Variants in MRC2 observed in about 807,000 individuals in gnomAD.
MRC2 encodes C-type mannose receptor 2.
Under a neutral mutation model 206.2 loss-of-function variants are expected in MRC2, and 84 were observed. The ratio of observed to expected loss-of-function variants is 0.41; its 90% confidence interval spans 0.34 to 0.49. The LOEUF (loss-of-function observed/expected upper bound fraction) is 0.49. Among genes scored for constraint, MRC2 ranks in the 20% least tolerant of loss-of-function variants. The pLI is 0.31. For synonymous variants in MRC2, 798 were observed against 800.0 expected (o/e 1.00, Z 0.04); for missense variants, 1,676 against 2,001.5 (o/e 0.84, Z 3.10).
intron 20 of MRC2, chr17:62,683,920 G>T (rs2089002202): frequency 6.6e-6 from 1 of 152,000 alleles, no homozygotes; most frequent in Non-Finnish European, 1.5e-5. Flanking sequence ...CACTTTGGCA[G>T]CACATGTACA....
intron 9 of MRC2, 75 bp downstream of exon 9, chr17:62,674,245 A>T: frequency 1.8e-6 from 2 of 1,100,408 alleles, no homozygotes; most frequent in Admixed American, 2.6e-5. Context: ...GAGGTGGATG[A>T]ACTCCTGCTG....
chr17:62,692,342 G>GC lies in MRC2; in HGVS notation c.4332dup (p.Gly1445ArgfsTer4). ...TACCGGAGGCGCCAGAGCATCGAGC[G>GC]CGGGGCCTTTGAGGGTGCCCGCTAC... On this transcript the variant is annotated frameshift_variant, in exon 30 of 30. Coordinates refer to ENST00000303375, the MANE Select transcript of MRC2 (RefSeq NM_006039.5). LOFTEE classifies it high-confidence loss of function. This position sits in a 1 kb window ranked among gnomAD's most constrained non-coding sequence, Gnocchi z 4.2. The GC allele has an allele frequency of 1.3e-6, 2 of 1,576,048 alleles. No individual in the cohort carries two copies. Among genetic ancestry groups the GC allele is most frequent in the Non-Finnish European group, 8.6e-7 (1 of 1,160,952 alleles).
chr17:62,678,572 G>A lies in MRC2; in HGVS notation c.2121G>A (p.Leu707=). 1 of 1,609,178 alleles carries A rather than the reference G, an allele frequency of 6.2e-7. No homozygotes were observed. Among genetic ancestry groups the A allele is most frequent in the South Asian group, 1.1e-5 (1 of 90,546 alleles). The change falls in exon 13 of 30, where the codon CTG becomes CTA. Residue 707 remains leucine (L), a synonymous_variant. Transcript: ENST00000303375. The part of the protein sequence containing the change: ...WVQAQGACQE[L]GAQLLSLASY... Reference sequence around the variant, plus strand: ...AGGCCCAGGGGGCCTGCCAGGAGCTGGGGGCCCAGCTGCTGAGCCTGGCCA... The same window carrying A: ...AGGCCCAGGGGGCCTGCCAGGAGCTAGGGGCCCAGCTGCTGAGCCTGGCCA...
intron 18 of MRC2, 33 bp downstream of exon 18, chr17:62,681,162 G>A: frequency 6.2e-7 from 1 of 1,608,280 alleles, no homozygotes; most frequent in Non-Finnish European, 8.5e-7. Context: ...GATGTGGAAG[G>A]GGGCTGGCTG....
At chr17:62,648,407 G>C (rs1286454290) in intron 1 of MRC2, among the ~76,000 whole-genome samples, 1 of 152,230 alleles carries the variant, frequency 6.6e-6, no homozygotes, top group African/African-American at 2.4e-5. Context: ...GTGTCTGCCA[G>C]GCCAAGGGGT....
At chr17:62,676,607 C>T (rs2088895963) in intron 11 of MRC2, 76 bp downstream of exon 11, 1 of 1,503,636 alleles carries the variant, frequency 6.7e-7, no homozygotes, top group Non-Finnish European at 8.9e-7. Flanking sequence ...AGCACCGAGC[C>T]CCAGGGCTTC....
At chr17:62,662,795 C>T (rs2088697002) in intron 1 of MRC2, among the ~76,000 whole-genome samples, 1 of 151,914 alleles carries the variant, frequency 6.6e-6, no homozygotes. Flanking sequence ...GCCTGTAATC[C>T]CAGCTACTCA....
chr17:62,691,040 C>T lies in MRC2; in HGVS notation c.4104C>T (p.Ser1368=). 6.2e-7 allele frequency: 1 copy of T among 1,610,244 alleles called. No individual in the cohort carries two copies. Residue 1368 remains serine, a synonymous_variant, in exon 28 of 30, where the codon AGC becomes AGT. Coordinates refer to ENST00000303375, the MANE Select transcript of MRC2 (RefSeq NM_006039.5). ...GLGPSMLSHN[S]CYWIQSNSGL... ...GCCCCAGCATGCTGAGCCACAACAG[C>T]TGCTACTGGATTCAGAGCAACAGCG... is the stretch of plus-strand genomic sequence containing the variant.
Position 62,692,726 on chromosome 17 carries a change from G to C in MRC2, c.*275G>C. ...GTCCTGTGCCCCCACAGGAACCAGA[G>C]GTAGGATGGGAGGGGGAACGAGAGC... is the stretch of plus-strand genomic sequence containing the variant. On this transcript the variant is annotated 3_prime_UTR_variant, in exon 30 of 30. Transcript: ENST00000303375. The surrounding 1 kb of genome is among the most constrained non-coding windows in gnomAD (Gnocchi z 4.2). 1 of 422,600 alleles carries C rather than the reference G, an allele frequency of 2.4e-6. No homozygotes were observed. Among genetic ancestry groups the C allele is most frequent in the African/African-American group, 2.0e-5 (1 of 50,598 alleles). The allele number at this position is 422,600 out of a possible 1,614,324, so 26.2% of individuals were successfully genotyped here.
At position 62,671,153 on chromosome 17, in the gene MRC2, C is replaced by T. The variant is rs1039645525; in HGVS notation, c.1118-496C>T. Among the ~76,000 whole-genome samples, 1 of 152,158 alleles carries T rather than the reference C, an allele frequency of 6.6e-6. No individual in the cohort carries two copies. The highest frequency in any genetic ancestry group is 2.4e-5 in the African/African-American group (1 of 41,414). On this transcript the variant is annotated intron_variant, in intron 6 of 29. Transcript: ENST00000303375. This position sits in a 1 kb window ranked among gnomAD's most constrained non-coding sequence, Gnocchi z 4.5. ...GTGGTGCAATCATGGCTCACTGCAG[C>T]CTTGACCTCCCCGGGTCAAGTGATC...
At chr17:62,663,686 C>A (rs893407411) in intron 1 of MRC2, among the ~76,000 whole-genome samples, 1 of 151,920 alleles carries the variant, frequency 6.6e-6, no homozygotes, top group Non-Finnish European at 1.5e-5. Flanking sequence ...TAAATTGCTG[C>A]GTAAAAATTA....
At chr17:62,690,606 C>A (rs1237362432) in intron 26 of MRC2, 36 bp from the exon 27 acceptor site, 1 of 1,553,138 alleles carries the variant, frequency 6.4e-7, no homozygotes. Flanking sequence ...CCCCCGGAGA[C>A]CCATCCGCCC....
chr17:62,627,946 T>C, intron 1 of MRC2, 26 bp downstream of exon 1: 1 of 1,380,690 alleles, frequency 7.2e-7, no homozygotes, highest in Non-Finnish European at 9.4e-7. Flanking sequence ...CTTGGCCAAC[T>C]TCAGGGCCCG....
intron 6 of MRC2, among the ~76,000 whole-genome samples, chr17:62,669,529 TTTTA>T (rs747755204): frequency 6.6e-6 from 1 of 150,570 alleles, no homozygotes; most frequent in Non-Finnish European, 1.5e-5. Flanking sequence ...TTATTTTTAT[TTTTA>T]TTTATTTATT....
intron 1 of MRC2, among the ~76,000 whole-genome samples, chr17:62,647,299 T>C (rs1449403266): frequency 6.6e-6 from 1 of 151,194 alleles, no homozygotes; most frequent in Non-Finnish European, 1.5e-5. Flanking sequence ...TTCTCCTGCC[T>C]CAGCCTCCTG....
At position 62,666,172 on chromosome 17, in the gene MRC2, G is replaced by T. The variant is rs1272802384; in HGVS notation, c.599G>T (p.Gly200Val). 14 of 1,602,240 alleles carry T rather than the reference G, an allele frequency of 8.7e-6. No homozygotes were observed. Among genetic ancestry groups the T allele is most frequent in the Non-Finnish European group, 1.1e-5 (13 of 1,174,562 alleles). Residue 200 changes from glycine (G) to valine (V), a missense_variant, in exon 3 of 30, where the codon GGC (glycine) becomes GTC (valine). Physicochemically the swap from Gly to Val is moderately radical, Grantham distance 109 (BLOSUM62 -3). This residue lies in a region of MRC2 where 318 missense variants were observed against 346.7 expected (regional missense o/e 0.92). Coordinates refer to ENST00000303375, the MANE Select transcript of MRC2 (RefSeq NM_006039.5). This position sits in a 1 kb window ranked among gnomAD's most constrained non-coding sequence, Gnocchi z 5.0. Reference sequence around the variant, plus strand: ...AAATATGACAACCAGTGGTTCCACGGCTGCACCAGCACGGGCCGCGAGGAT... The same window carrying T: ...AAATATGACAACCAGTGGTTCCACGTCTGCACCAGCACGGGCCGCGAGGAT... ...PFKYDNQWFH[G>V]CTSTGREDGH...
intron 1 of MRC2, among the ~76,000 whole-genome samples, chr17:62,662,893 G>C (rs1030874497): frequency 6.6e-6 from 1 of 152,018 alleles, no homozygotes; most frequent in Non-Finnish European, 1.5e-5. Context: ...TGGGCAACAC[G>C]AGCAATAGTC....
At position 62,664,920 on chromosome 17, in the gene MRC2, A is replaced by G. The variant is rs1484130400; in HGVS notation, c.491A>G (p.Glu164Gly). ...GGCCAGTGGCGCATCTACGGCAGCG[A>G]GGAGGACCTATGTGCTCTGCCCTAC... ...RSGQWRIYGS[E>G]EDLCALPYHE... is the part of the protein sequence containing the mutation. The change falls in exon 2 of 30, where the codon GAG (glutamate) becomes GGG (glycine). Residue 164 changes from glutamate (E) to glycine (G), a missense_variant. This residue lies in a region of MRC2 where 318 missense variants were observed against 346.7 expected (regional missense o/e 0.92). Coordinates refer to ENST00000303375, the MANE Select transcript of MRC2 (RefSeq NM_006039.5). The surrounding 1 kb of genome is among the most constrained non-coding windows in gnomAD (Gnocchi z 4.7). The G allele has an allele frequency of 6.2e-7, 1 of 1,611,226 alleles. No homozygotes were observed. The highest frequency in any genetic ancestry group is 1.7e-5 in the Admixed American group (1 of 60,006).
In MRC2 at chr17:62,666,968, G is replaced by C; in HGVS notation, c.973+98G>C. Reference sequence around the variant, plus strand: ...CCTCATGTCCTCCTGCAGAGGGGCAGTGTGGGTAGGGGAAGCACCGACCTC... The same window carrying C: ...CCTCATGTCCTCCTGCAGAGGGGCACTGTGGGTAGGGGAAGCACCGACCTC... On this transcript the variant is annotated intron_variant, in intron 5 of 29. Coordinates refer to ENST00000303375, the MANE Select transcript of MRC2 (RefSeq NM_006039.5). The surrounding 1 kb of genome is among the most constrained non-coding windows in gnomAD (Gnocchi z 5.0). The C allele has an allele frequency of 1.1e-6, 1 of 943,360 alleles. No homozygotes were observed. The highest frequency in any genetic ancestry group is 1.6e-6 in the Non-Finnish European group (1 of 609,366). 58.4% of individuals were successfully genotyped at this position (943,360 alleles called of 1,614,324 possible). A position where few individuals can be genotyped will look rare whatever the true frequency, so the allele number is the denominator to read the frequency against.
Sources: gnomAD v4.1 joint callset for allele counts (sites outside exome capture counted in the v4.1 genomes callset) on GRCh38, gnomAD v4.1.1 for gene constraint, gnomAD v4.1.1 regional missense constraint, Gnocchi (gnomAD v3.1) non-coding constraint, MANE v1.5 for transcripts, NCBI Gene and HGNC (gene_info 2026-07-23, HGNC 2026-07-21) for gene names.